SLC24A2: variants seen among roughly 807,000 people sequenced by gnomAD.
SLC24A2 encodes solute carrier family 24 member 2, also known as sodium/potassium/calcium exchanger 2.
Under a neutral mutation model 62.0 loss-of-function variants are expected in SLC24A2, and 36 were observed. That is an observed-to-expected ratio of 0.58 (90% confidence interval 0.44 to 0.77). The LOEUF is 0.77. Among genes scored for constraint, SLC24A2 ranks in the 30% least tolerant of loss-of-function variants. The pLI is 0.00. For missense variants in SLC24A2, 846 were observed against 817.9 expected (o/e 1.03, Z -0.42); for synonymous variants, 358 against 294.0 (o/e 1.22, Z -2.23).
the SLC24A2 span, among the ~76,000 whole-genome samples, chr9:20,084,961 T>C: frequency 6.6e-6 from 1 of 152,204 alleles, no homozygotes; most frequent in Non-Finnish European, 1.5e-5. Flanking sequence ...GTAGTTTTTC[T>C]GCAAAAGACA....
chr9:19,652,593 C>A (rs1818833340), intron 2 of SLC24A2, among the ~76,000 whole-genome samples: 1 of 152,136 alleles, frequency 6.6e-6, no homozygotes, highest in African/African-American at 2.4e-5. Context: ...CAAATAAATT[C>A]TCCTCTGCAG....
the SLC24A2 span, among the ~76,000 whole-genome samples, chr9:20,184,151 C>A: frequency 6.6e-6 from 1 of 152,080 alleles, no homozygotes; most frequent in Non-Finnish European, 1.5e-5. Flanking sequence ...AAATGGCCAA[C>A]AGGTTCATGA....
At chr9:20,237,421 G>T in the SLC24A2 span, among the ~76,000 whole-genome samples, 2 of 152,092 alleles carry the variant, frequency 1.3e-5, no homozygotes, top group Non-Finnish European at 2.9e-5. Context: ...TTGGGGCCCA[G>T]GTCTTTCTGA....
At chr9:19,947,130 G>C in the SLC24A2 span, among the ~76,000 whole-genome samples, 3 of 152,092 alleles carry the variant, frequency 2.0e-5, no homozygotes, top group East Asian at 5.8e-4. Context: ...GTTCATTTTG[G>C]CTGTCTTTAC....
the SLC24A2 span, among the ~76,000 whole-genome samples, chr9:20,050,294 T>A: frequency 8.0e-3 from 1,200 of 150,268 alleles, 22 homozygotes; most frequent in African/African-American, 0.028. Flanking sequence ...TGCATGCTTG[T>A]AATCCTAGCT....
chr9:20,051,657 C>CTCTTTT, the SLC24A2 span, among the ~76,000 whole-genome samples: 5 of 73,506 alleles, frequency 6.8e-5, no homozygotes, highest in Admixed American at 6.0e-4. Flanking sequence ...TTTTCTTTCT[C>CTCTTTT]TTTTTTTTTT....
At chr9:20,025,351 A>G in the SLC24A2 span, among the ~76,000 whole-genome samples, 1 of 152,208 alleles carries the variant, frequency 6.6e-6, no homozygotes, top group South Asian at 2.1e-4. Context: ...CAATAAATGA[A>G]TAAGTTGAAG....
the SLC24A2 span, among the ~76,000 whole-genome samples, chr9:20,140,382 G>C: frequency 6.6e-6 from 1 of 152,142 alleles, no homozygotes; most frequent in Non-Finnish European, 1.5e-5. Flanking sequence ...TGGTAGATTT[G>C]GGTGCCTGCT....
chr9:20,213,298 T>C, the SLC24A2 span, among the ~76,000 whole-genome samples: 1 of 151,818 alleles, frequency 6.6e-6, no homozygotes, highest in African/African-American at 2.4e-5. Flanking sequence ...AGAAAGCAAA[T>C]AACTATCACA....
the SLC24A2 span, among the ~76,000 whole-genome samples, chr9:20,041,620 C>T: frequency 6.6e-6 from 1 of 152,162 alleles, no homozygotes; most frequent in Non-Finnish European, 1.5e-5. Context: ...AGACATGGAC[C>T]CAACCCAACA....
At chr9:20,064,471 T>C in the SLC24A2 span, among the ~76,000 whole-genome samples, 5 of 152,148 alleles carry the variant, frequency 3.3e-5, no homozygotes, top group African/African-American at 1.2e-4. Context: ...AATAAATTAT[T>C]GCCCAATAAA....
the SLC24A2 span, among the ~76,000 whole-genome samples, chr9:20,098,567 G>A: frequency 1.3e-5 from 2 of 152,160 alleles, no homozygotes; most frequent in Non-Finnish European, 2.9e-5. Context: ...AAGAAACTCA[G>A]CATTAGGCCT....
the SLC24A2 span, among the ~76,000 whole-genome samples, chr9:20,087,157 A>G: frequency 6.6e-6 from 1 of 152,346 alleles, no homozygotes; most frequent in South Asian, 2.1e-4. Flanking sequence ...TGGAAGTTAG[A>G]GACAGACATT....
At chr9:20,163,589 T>G in the SLC24A2 span, among the ~76,000 whole-genome samples, 1 of 152,150 alleles carries the variant, frequency 6.6e-6, no homozygotes, top group Non-Finnish European at 1.5e-5. Flanking sequence ...GCCATCCCCA[T>G]CAAGCTACCA....
chr9:20,127,530 C>A, the SLC24A2 span, among the ~76,000 whole-genome samples: 1 of 152,016 alleles, frequency 6.6e-6, no homozygotes, highest in South Asian at 2.1e-4. Flanking sequence ...GGTTTAATCC[C>A]CAGTTTCATC....
chr9:19,961,981 A>T, the SLC24A2 span, among the ~76,000 whole-genome samples: 3 of 152,336 alleles, frequency 2.0e-5, no homozygotes, highest in Middle Eastern at 3.4e-3. Context: ...AAACTATGAG[A>T]TAATATATGT....
chr9:20,176,655 G>C, the SLC24A2 span, among the ~76,000 whole-genome samples: 6 of 152,046 alleles, frequency 3.9e-5, no homozygotes, highest in Non-Finnish European at 8.8e-5. Flanking sequence ...CAGGAATTCA[G>C]CCAGGGGTAT....
At position 19,509,361 on chromosome 9, in the gene SLC24A2, G is replaced by C. The variant is rs769436233; in HGVS notation, c.*6792C>G. 1 of 151,994 alleles carries C rather than the reference G, an allele frequency of 6.6e-6. No individual in the cohort carries two copies. Among genetic ancestry groups the C allele is most frequent in the Non-Finnish European group, 1.5e-5 (1 of 67,986 alleles). The allele number at this position is 151,994 out of a possible 1,614,324, so 9.4% of individuals were successfully genotyped here. A position where few individuals can be genotyped will look rare whatever the true frequency, so the allele number is the denominator to read the frequency against. ...TGTATAAGTAGATTAGGATTGCCTA[G>C]AACAATAATTGTAGTTAATAAAAAA... On this transcript the variant is annotated 3_prime_UTR_variant, in exon 11 of 11. Transcript: ENST00000341998.
intron 4 of SLC24A2, among the ~76,000 whole-genome samples, chr9:19,607,663 G>A (rs761853038): frequency 5.1e-4 from 75 of 146,332 alleles, no homozygotes; most frequent in Admixed American, 1.2e-3. Context: ...AGGTGGCAGT[G>A]AGCCAAGATC....
Sources: allele counts gnomAD v4.1 joint callset (sites outside exome capture counted in the v4.1 genomes callset), GRCh38; gene constraint gnomAD v4.1.1; transcripts MANE v1.5; gene names NCBI Gene and HGNC (gene_info 2026-07-23, HGNC 2026-07-21).